ANO3: variants seen among roughly 807,000 people sequenced by gnomAD.
ANO3 encodes anoctamin-3.
A neutral mutation model predicts 144.8 loss-of-function variants in ANO3; 99 were observed. That is an observed-to-expected ratio of 0.68 (90% CI 0.58 to 0.81). The LOEUF is 0.81. Among genes scored for constraint, ANO3 ranks in the 30% least tolerant of loss-of-function variants. The pLI is 0.00. For synonymous variants in ANO3, 414 were observed against 392.6 expected, an observed-to-expected ratio of 1.05 and a Z score of -0.64; for missense variants, 905 against 1,202.2, an observed-to-expected ratio of 0.75 and a Z score of 3.66.
chr11:26,410,196 G>A (rs1439467059), intron 1 of ANO3, among the ~76,000 whole-genome samples: 1 of 151,858 alleles, frequency 6.6e-6, no homozygotes, highest in Non-Finnish European at 1.5e-5. Flanking sequence ...GTATCGTAGT[G>A]GCTTCTCTGG....
At chr11:26,412,255 G>GATAAAAAT (rs1857452589) in intron 1 of ANO3, among the ~76,000 whole-genome samples, 1 of 151,828 alleles carries the variant, frequency 6.6e-6, no homozygotes, top group South Asian at 2.1e-4. Flanking sequence ...GTTAGATGGG[G>GATAAAAAT]AGAAAAATAG....
chr11:26,257,717 T>C (rs1211782323), intron 1 of ANO3, among the ~76,000 whole-genome samples: 1 of 152,126 alleles, frequency 6.6e-6, no homozygotes, highest in African/African-American at 2.4e-5. Context: ...ACAATGGTCC[T>C]GTCAGTACTC....
At chr11:26,650,480 T>G (rs528257339) in intron 24 of ANO3, among the ~76,000 whole-genome samples, 1 of 152,110 alleles carries the variant, frequency 6.6e-6, no homozygotes, top group African/African-American at 2.4e-5. Flanking sequence ...GAAATTAAGA[T>G]ATCATTTGCC....
chr11:26,620,675 T>G (rs977951363), intron 17 of ANO3, among the ~76,000 whole-genome samples: 2 of 152,160 alleles, frequency 1.3e-5, no homozygotes, highest in Admixed American at 1.3e-4. Flanking sequence ...TCTGGACTTT[T>G]CTCCCTTGTT....
chr11:26,353,964 G>A (rs1279769063), intron 1 of ANO3, among the ~76,000 whole-genome samples: 1 of 152,136 alleles, frequency 6.6e-6, no homozygotes, highest in African/African-American at 2.4e-5. Context: ...ATCATTGCCT[G>A]ACACACAGTT....
At chr11:26,524,899 A>G (rs115734080) in intron 6 of ANO3, among the ~76,000 whole-genome samples, 359 of 152,276 alleles carry the variant, frequency 2.4e-3, no homozygotes, top group African/African-American at 8.4e-3. Flanking sequence ...TTTTGTCCCA[A>G]TGACGACCTC....
chr11:26,598,424 C>A lies in ANO3; in HGVS notation c.1507C>A (p.Leu503Ile). ...RRSILTYTWD[L>I]IEWEEEEETL... ...GAGTATACTGACCTATACTTGGGAC[C>A]TTATCGAATGGGAAGAAGAGGAGGT... Residue 503 changes from leucine (L) to isoleucine (I), a missense_variant, in exon 15 of 27, where the codon CTT becomes ATT. Physicochemically the swap from Leu to Ile is conservative, Grantham distance 5. Coordinates refer to ENST00000256737, the MANE Select transcript of ANO3 (RefSeq NM_031418.4). The A allele has an allele frequency of 1.9e-6, 3 of 1,589,702 alleles. No homozygotes were observed. The highest frequency in any genetic ancestry group is 2.6e-6 in the Non-Finnish European group (3 of 1,168,976).
chr11:26,280,747 A>G (rs12271561), intron 1 of ANO3, among the ~76,000 whole-genome samples: 26,999 of 152,088 alleles, frequency 0.18, 2,649 homozygotes, highest in African/African-American at 0.27. Context: ...ATCACGCCCA[A>G]TAAGCATGAA....
chr11:26,278,999 C>T (rs561699558), intron 1 of ANO3, among the ~76,000 whole-genome samples: 2 of 152,074 alleles, frequency 1.3e-5, no homozygotes, highest in Non-Finnish European at 2.9e-5. Flanking sequence ...CCCTACATAG[C>T]CTTCAATGGA....
chr11:26,560,548 C>T (rs1850248035), intron 14 of ANO3: 1 of 152,922 alleles, frequency 6.5e-6, no homozygotes, highest in African/African-American at 2.4e-5. Flanking sequence ...TCTGTCATTT[C>T]TATTGCCTCA....
rs371494567 is a variant in ANO3, at chr11:26,566,024, C to T, written c.1447+6245C>T. ...AGATGGTAATATCATATTTTTATTC[C>T]AAAATTGCTTATTTTGGATTATGTA... On this transcript the variant is annotated intron_variant, in intron 14 of 26. Transcript: ENST00000256737. The T allele has an allele frequency of 4.9e-6, 5 of 1,019,234 alleles. No homozygotes were observed. In the East Asian group the frequency reaches 1.4e-4, roughly 29 times the overall value. The allele number at this position is 1,019,234 out of a possible 1,614,324, so 63.1% of individuals were successfully genotyped here. A position where few individuals can be genotyped will look rare whatever the true frequency, so the allele number is the denominator to read the frequency against.
At chr11:26,443,671 G>A in intron 2 of ANO3, 94 bp from the exon 3 acceptor site, 1 of 583,588 alleles carries the variant, frequency 1.7e-6, no homozygotes, top group Non-Finnish European at 2.9e-6. Context: ...ATTTCATCAT[G>A]TTTGGCCATC....
chr11:26,637,297 A>G (rs1308015885), intron 20 of ANO3, among the ~76,000 whole-genome samples: 1 of 152,140 alleles, frequency 6.6e-6, no homozygotes, highest in Non-Finnish European at 1.5e-5. Flanking sequence ...ACATGATCCT[A>G]TGATCATCTT....
intron 1 of ANO3, among the ~76,000 whole-genome samples, chr11:26,431,606 A>G (rs1858091887): frequency 6.6e-6 from 1 of 152,098 alleles, no homozygotes; most frequent in Non-Finnish European, 1.5e-5. Context: ...CTATATGTCC[A>G]TGTGTTCTCA....
chr11:26,476,161 C>T (rs1423709145), intron 4 of ANO3, among the ~76,000 whole-genome samples: 2 of 152,124 alleles, frequency 1.3e-5, no homozygotes, highest in Non-Finnish European at 2.9e-5. Flanking sequence ...CTATACTAAT[C>T]TGGGTATGCA....
chr11:26,585,967 T>C (rs1851263253), intron 14 of ANO3, among the ~76,000 whole-genome samples: 1 of 152,226 alleles, frequency 6.6e-6, no homozygotes, highest in African/African-American at 2.4e-5. Flanking sequence ...TTATAAATAA[T>C]TGGAAGTCAA....
rs549733307 is a variant in ANO3, at chr11:26,219,162, T to C, written c.154+29832T>C. 3.9e-5 allele frequency among the ~76,000 whole-genome samples: 6 copies of C among 152,284 alleles called. No homozygotes were observed. In the South Asian group the frequency reaches 1.0e-3, roughly 26 times the overall value. On this transcript the variant is annotated intron_variant, in intron 1 of 27. Transcript: ENST00000672621. ...TGTGACCAAAAAAAGAAAAATAATATGTCTCTAGGTATTGCCAGATATCTT... is the reference window on the plus strand; with the variant it reads ...TGTGACCAAAAAAAGAAAAATAATACGTCTCTAGGTATTGCCAGATATCTT...
At chr11:26,532,518 T>A (rs968179751) in intron 8 of ANO3, among the ~76,000 whole-genome samples, 3 of 152,158 alleles carry the variant, frequency 2.0e-5, no homozygotes, top group African/African-American at 7.2e-5. Flanking sequence ...CCAATAAAAT[T>A]CAAATTTCTT....
At chr11:26,359,217 G>A (rs1316164962) in intron 1 of ANO3, among the ~76,000 whole-genome samples, 1 of 152,144 alleles carries the variant, frequency 6.6e-6, no homozygotes, top group East Asian at 1.9e-4. Flanking sequence ...AGTCAAATTA[G>A]CTTGGCAACA....
Sources: gnomAD v4.1 joint callset for allele counts (sites outside exome capture counted in the v4.1 genomes callset) on GRCh38, gnomAD v4.1.1 for gene constraint, MANE v1.5 for transcripts, NCBI Gene and HGNC (gene_info 2026-07-23, HGNC 2026-07-21) for gene names.